The following CFAP46 variants were observed in gnomAD, a reference collection of about 807,000 sequenced individuals.
CFAP46 encodes the protein cilia and flagella associated protein 46.
In CFAP46, 245 loss-of-function variants were observed where a neutral mutation model predicts 325.7. That is an observed-to-expected ratio of 0.75 (90% CI 0.68 to 0.84). The LOEUF is 0.84. Ranked by LOEUF, CFAP46 falls within the 40% of genes least tolerant of loss-of-function variation. The pLI, the probability that CFAP46 is intolerant of heterozygous loss-of-function variation, is 0.00. For synonymous variants in CFAP46, 1,523 were observed against 1,495.9 expected (o/e 1.02, Z -0.42); for missense variants, 3,346 against 3,543.0 (o/e 0.94, Z 1.41).
At chr10:132,834,927 T>C (rs951300050) in intron 47 of CFAP46, 152 bp from the exon 48 acceptor site, 2 of 1,134,188 alleles carry the variant, frequency 1.8e-6, no homozygotes, top group Non-Finnish European at 2.4e-6. Context: ...GAGGGCCCCA[T>C]AGCACCTGGC....
At chr10:132,902,318 T>TGGCCCCACGGGTCACAGACGGGAAGC (rs1554883069) in intron 22 of CFAP46, among the ~76,000 whole-genome samples, 1 of 152,142 alleles carries the variant, frequency 6.6e-6, no homozygotes, top group African/African-American at 2.4e-5. Context: ...GGAAGCTCTG[T>TGGCCCCACGGGTCACAGACGGGAAGC]TCATTTAGTT....
At chr10:132,814,471 T>G (rs895613527) in intron 53 of CFAP46, 106 bp downstream of exon 53, 4 of 1,400,798 alleles carry the variant, frequency 2.9e-6, no homozygotes, top group Non-Finnish European at 3.9e-6. Flanking sequence ...ATATGCAGAT[T>G]TCGGAGCCTC....
At chr10:132,816,006 A>AT (rs1245260985) in intron 50 of CFAP46, among the ~76,000 whole-genome samples, 1 of 152,128 alleles carries the variant, frequency 6.6e-6, no homozygotes, top group Non-Finnish European at 1.5e-5. Context: ...GGAAAAACAT[A>AT]TTTTTTGTGG....
chr10:132,872,580 A>G, intron 32 of CFAP46, 96 bp downstream of exon 32: 1 of 1,382,652 alleles, frequency 7.2e-7, no homozygotes, highest in Non-Finnish European at 1.0e-6. Context: ...GGACTTTATT[A>G]TTTACACAGT....
In CFAP46 at chr10:132,832,639, G is replaced by T; in HGVS notation, c.7117+719C>A. On this transcript the variant is annotated intron_variant, in intron 50 of 57. Transcript: ENST00000368586. The surrounding 1 kb of genome is among the most constrained non-coding windows in gnomAD (Gnocchi z 4.1). ...AATCGATTTATTTTTAATTTTATTTGATACCGAAGTGCAGAAAACTGCACG... is the reference window on the plus strand; with the variant it reads ...AATCGATTTATTTTTAATTTTATTTTATACCGAAGTGCAGAAAACTGCACG... 2 of 369,710 alleles carry T rather than the reference G, an allele frequency of 5.4e-6. No individual in the cohort carries two copies. Among genetic ancestry groups the T allele is most frequent in the Non-Finnish European group, 1.2e-5 (2 of 170,672 alleles). The allele number at this position is 369,710 out of a possible 1,614,324, so 22.9% of individuals were successfully genotyped here.
intron 44 of CFAP46, among the ~76,000 whole-genome samples, chr10:132,840,760 G>A (rs1411319787): frequency 6.6e-6 from 1 of 152,174 alleles, no homozygotes; most frequent in Non-Finnish European, 1.5e-5. Flanking sequence ...GTCCATTTTT[G>A]TTACTGATTT....
chr10:132,938,749 A>T lies in CFAP46; in HGVS notation c.376T>A (p.Tyr126Asn). The T allele has an allele frequency of 6.2e-7, 1 of 1,611,586 alleles. No homozygotes were observed. The highest frequency in any genetic ancestry group is 8.5e-7 in the Non-Finnish European group (1 of 1,178,928). Residue 126 changes from tyrosine to asparagine, a missense_variant, in exon 5 of 58, where the codon TAC (tyrosine) becomes AAC (asparagine). Tyr to Asn is a moderately radical substitution (Grantham distance 143, BLOSUM62 -2). Transcript: ENST00000368586. ...INFAKGEPRY[Y>N]FLVYNASVLY... ...ACTGATGCATTGTACACCAAAAAGT[A>T]GTACCTGCGGCGCGAGCAGAGGAAG...
intron 50 of CFAP46, among the ~76,000 whole-genome samples, chr10:132,821,841 G>A (rs1157939118): frequency 2.0e-5 from 3 of 146,910 alleles, no homozygotes; most frequent in African/African-American, 7.7e-5. Flanking sequence ...GCTGTGTGCT[G>A]TGTGAGCGCT....
intron 50 of CFAP46, among the ~76,000 whole-genome samples, chr10:132,822,687 CTGA>C (rs1189013911): frequency 9.7e-5 from 10 of 103,068 alleles, no homozygotes; most frequent in African/African-American, 1.2e-4. Flanking sequence ...GCTGTGTGTG[CTGA>C]TGTGTGCTGT....
chr10:132,889,493 C>A lies in CFAP46; in HGVS notation c.3304+2840G>T, dbSNP rs904308384. Among the ~76,000 whole-genome samples, 4 of 152,200 alleles carry A rather than the reference C, an allele frequency of 2.6e-5. No individual in the cohort carries two copies. The highest frequency in any genetic ancestry group is 9.7e-5 in the African/African-American group (4 of 41,444). ...GCGTCTGAAACTTGGGAACCCTGAG[C>A]CCTGCTTCCTCCTGCTTGAATTCAT... On this transcript the variant is annotated intron_variant, in intron 25 of 57. Transcript: ENST00000368586. This position sits in a 1 kb window ranked among gnomAD's most constrained non-coding sequence, Gnocchi z 6.0.
intron 11 of CFAP46, among the ~76,000 whole-genome samples, chr10:132,924,041 G>C (rs1451715324): frequency 6.6e-6 from 1 of 152,082 alleles, no homozygotes; most frequent in Non-Finnish European, 1.5e-5. Context: ...TTGTGCTGAC[G>C]GCAACGAAGA....
At chr10:132,814,021 C>G in intron 54 of CFAP46, 131 bp downstream of exon 54, 1 of 683,324 alleles carries the variant, frequency 1.5e-6, no homozygotes, top group Non-Finnish European at 2.6e-6. Flanking sequence ...GGGTCTGTCT[C>G]AGCATTGCAT....
chr10:132,922,586 A>G lies in CFAP46; in HGVS notation c.1379T>C (p.Leu460Pro). ...RKAARLDSLG[L>P]YRDRIQMAST... ...GGCCATCTGGATCCTGTCCCGGTAG[A>G]GGCCCAGGCTGTCCAGGCGCGCGGC... Residue 460 changes from leucine (L) to proline (P), a missense_variant, in exon 12 of 58, where the codon CTC becomes CCC. By Grantham distance (98) the Leu-to-Pro change is moderately conservative (BLOSUM62 -3). Transcript: ENST00000368586. The G allele has an allele frequency of 1.9e-6, 3 of 1,548,946 alleles. No individual in the cohort carries two copies. The highest frequency in any genetic ancestry group is 2.6e-6 in the Non-Finnish European group (3 of 1,146,808).
rs1564800816 is a variant in CFAP46 at position 132,919,308 on chromosome 10, T to C, written c.1858+7A>G. The stretch of plus-strand genomic sequence containing the variant: ...GCTGGGACACACTCGTGAGGGCGGG[T>C]ACGAACCTCGCCGCAGCCTCAACTT... On this transcript the variant is annotated splice_region_variant and intron_variant, in intron 15 of 57. Transcript: ENST00000368586. The surrounding 1 kb of genome is among the most constrained non-coding windows in gnomAD (Gnocchi z 9.7). 1 of 1,548,478 alleles carries C rather than the reference T, an allele frequency of 6.5e-7. No individual in the cohort carries two copies. Among genetic ancestry groups the C allele is most frequent in the Middle Eastern group, 1.7e-4 (1 of 5,888 alleles).
chr10:132,907,364 A>G (rs988823570), intron 22 of CFAP46, among the ~76,000 whole-genome samples: 2 of 152,220 alleles, frequency 1.3e-5, no homozygotes, highest in Non-Finnish European at 2.9e-5. Flanking sequence ...CAATTGCTCA[A>G]CTGGATGGAA....
intron 50 of CFAP46, among the ~76,000 whole-genome samples, chr10:132,820,850 TGC>T (rs1234732641): frequency 5.0e-5 from 7 of 138,918 alleles, no homozygotes; most frequent in South Asian, 2.4e-4. Flanking sequence ...GTGCTGTGTG[TGC>T]GCTGATGTGT....
intron 19 of CFAP46, among the ~76,000 whole-genome samples, chr10:132,910,449 T>C (rs1188651827): frequency 1.3e-5 from 2 of 152,240 alleles, no homozygotes; most frequent in Admixed American, 1.3e-4. Flanking sequence ...ATCTGCCACG[T>C]GCTTTGCCTG....
At position 132,847,244 on chromosome 10, in the gene CFAP46, G is replaced by T; in HGVS notation, c.6030C>A (p.Asp2010Glu). Residue 2010 changes from aspartate (D) to glutamate (E), a missense_variant, in exon 42 of 58, where the codon GAC becomes GAA. Coordinates refer to ENST00000368586, the MANE Select transcript of CFAP46 (RefSeq NM_001200049.3). The surrounding 1 kb of genome is among the most constrained non-coding windows in gnomAD (Gnocchi z 5.2). ...CCGGGGCTGCCCTGGAGGCCGGCGG[G>T]TCCCTGCTGGACTTTGTGGCACCCT... ...EEEGATKSSR[D>E]PPASRAAPEE... 1.2e-6 allele frequency: 2 copies of T among 1,613,342 alleles called. No homozygotes were observed. Among genetic ancestry groups the T allele is most frequent in the Non-Finnish European group, 8.5e-7 (1 of 1,179,948 alleles).
Position 132,834,697 on chromosome 10 carries a change from G to A in CFAP46, c.6823C>T (p.Leu2275Phe). The change falls in exon 48 of 58, where the codon CTT becomes TTT. Residue 2275 changes from leucine (L) to phenylalanine (F), a missense_variant. Leu to Phe is a conservative substitution (Grantham distance 22). Coordinates refer to ENST00000368586, the MANE Select transcript of CFAP46 (RefSeq NM_001200049.3). Reference protein sequence around the residue: ...LSSVLGPLEELLQPLFPLLSL... With the variant: ...LSSVLGPLEEFLQPLFPLLSL... Reference sequence around the variant, plus strand: ...AGCAGGGGGAATAGCGGCTGCAGAAGCTCCTCCAGGGGCCCCAGGACGCTA... The same window carrying A: ...AGCAGGGGGAATAGCGGCTGCAGAAACTCCTCCAGGGGCCCCAGGACGCTA... 2 of 1,613,050 alleles carry A rather than the reference G, an allele frequency of 1.2e-6. No individual in the cohort carries two copies. Among genetic ancestry groups the A allele is most frequent in the Non-Finnish European group, 1.7e-6 (2 of 1,179,954 alleles).
Sources: gnomAD v4.1 joint callset for allele counts (sites outside exome capture counted in the v4.1 genomes callset) on GRCh38, gnomAD v4.1.1 for gene constraint, Gnocchi (gnomAD v3.1) non-coding constraint, MANE v1.5 for transcripts, NCBI Gene and HGNC (gene_info 2026-07-23, HGNC 2026-07-21) for gene names.